The following CNBD1 variants were observed in gnomAD, a reference collection of about 807,000 sequenced individuals.
CNBD1 encodes the protein cyclic nucleotide-binding domain-containing protein 1.
A neutral mutation model predicts 54.4 loss-of-function variants in CNBD1; 71 were observed. The observed-to-expected ratio is 1.30, with a 90% CI of 1.08 to 1.59. The LOEUF (loss-of-function observed/expected upper bound fraction) is 1.59. Among genes scored for constraint, CNBD1 ranks in the 40% most tolerant of loss-of-function variants. The probability of loss-of-function intolerance (pLI) is 0.00; values close to 1 mark genes in which losing one functional copy is unlikely to be tolerated. For missense variants in CNBD1, 659 were observed against 518.0 expected, an observed-to-expected ratio of 1.27 and a Z score of -2.64; for synonymous variants, 182 against 170.7, an observed-to-expected ratio of 1.07 and a Z score of -0.51.
intron 4 of CNBD1, among the ~76,000 whole-genome samples, chr8:86,987,704 A>G (rs1056831897): frequency 6.6e-6 from 1 of 152,162 alleles, no homozygotes; most frequent in Non-Finnish European, 1.5e-5. Context: ...GGGAGTTTGT[A>G]TCATAATGGA....
intron 2 of CNBD1, among the ~76,000 whole-genome samples, chr8:86,889,440 A>G (rs1214368975): frequency 1.3e-5 from 2 of 152,180 alleles, no homozygotes; most frequent in African/African-American, 2.4e-5. Context: ...CCATATTATT[A>G]GTTCTTTATG....
chr8:87,237,772 A>G (rs1466567066), intron 6 of CNBD1, among the ~76,000 whole-genome samples: 1 of 152,128 alleles, frequency 6.6e-6, no homozygotes, highest in Non-Finnish European at 1.5e-5. Context: ...AAACCAAATA[A>G]TTTAGCATTA....
intron 8 of CNBD1, among the ~76,000 whole-genome samples, chr8:87,305,056 A>C (rs1430056309): frequency 1.3e-5 from 2 of 152,286 alleles, no homozygotes; most frequent in Non-Finnish European, 2.9e-5. Flanking sequence ...AGAATTCATA[A>C]GTTTCTGGGT....
Position 87,236,811 on chromosome 8 carries a change from C to A in CNBD1, c.578-108C>A. ...ATTAAATTCACTGTTACAGAATACA[C>A]TGAAAGAAATACGTTGAAAGTACCG... On this transcript the variant is annotated intron_variant, in intron 5 of 10. Transcript: ENST00000518476. 5.1e-6 allele frequency: 3 copies of A among 593,882 alleles called. No homozygotes were observed. In the South Asian group the frequency reaches 1.0e-4, roughly 21 times the overall value. 36.8% of individuals were successfully genotyped at this position (593,882 alleles called of 1,614,324 possible).
chr8:86,900,708 A>G (rs568673758), intron 2 of CNBD1, among the ~76,000 whole-genome samples: 48 of 152,332 alleles, frequency 3.2e-4, no homozygotes, highest in Non-Finnish European at 5.6e-4. Flanking sequence ...AATACTTCAT[A>G]TAAGGTTACA....
At chr8:87,170,604 A>G (rs1023252073) in intron 4 of CNBD1, among the ~76,000 whole-genome samples, 7 of 152,090 alleles carry the variant, frequency 4.6e-5, no homozygotes, top group Non-Finnish European at 7.4e-5. Context: ...CGTGGCTTTC[A>G]TTATGTTGAA....
chr8:87,265,950 G>A (rs1003198035), intron 6 of CNBD1, among the ~76,000 whole-genome samples: 3 of 152,032 alleles, frequency 2.0e-5, no homozygotes, highest in African/African-American at 7.2e-5. Context: ...GTAATAATCA[G>A]TTGGATAATA....
intron 4 of CNBD1, among the ~76,000 whole-genome samples, chr8:86,988,929 A>G (rs1225606506): frequency 6.6e-6 from 1 of 152,066 alleles, no homozygotes; most frequent in African/African-American, 2.4e-5. Flanking sequence ...TTGTTGATGG[A>G]TAATTAGATT....
At chr8:86,995,017 T>C (rs1012969295) in intron 4 of CNBD1, among the ~76,000 whole-genome samples, 1 of 152,068 alleles carries the variant, frequency 6.6e-6, no homozygotes, top group African/African-American at 2.4e-5. Context: ...AATAGCAAAA[T>C]GAAGGAACAA....
chr8:87,391,728 C>T (rs1811314148), intron 2 of CNBD1, among the ~76,000 whole-genome samples: 1 of 152,034 alleles, frequency 6.6e-6, no homozygotes, highest in East Asian at 1.9e-4. Flanking sequence ...AGAACTAAAA[C>T]TGTACAACTC....
chr8:87,280,114 C>T (rs548929433), intron 6 of CNBD1, among the ~76,000 whole-genome samples: 3 of 151,686 alleles, frequency 2.0e-5, no homozygotes, highest in Non-Finnish European at 3.0e-5. Flanking sequence ...CAGATTCTCA[C>T]ATTCAGTTAG....
intron 4 of CNBD1, among the ~76,000 whole-genome samples, chr8:87,036,857 A>C (rs1166208193): frequency 6.6e-6 from 1 of 152,050 alleles, no homozygotes; most frequent in African/African-American, 2.4e-5. Context: ...TTTATTCTAC[A>C]CTAGATGTTC....
chr8:87,421,724 A>T (rs368594480), intron 2 of CNBD1, among the ~76,000 whole-genome samples: 1 of 147,466 alleles, frequency 6.8e-6, no homozygotes, highest in East Asian at 2.0e-4. Context: ...GAATAATGCC[A>T]CAATAAACAT....
chr8:87,317,967 C>G (rs191854245), intron 8 of CNBD1, among the ~76,000 whole-genome samples: 1 of 151,894 alleles, frequency 6.6e-6, no homozygotes, highest in East Asian at 1.9e-4. Flanking sequence ...CCAATATTTT[C>G]TTCTGCAGTG....
intron 8 of CNBD1, among the ~76,000 whole-genome samples, chr8:87,300,378 C>T (rs996826525): frequency 6.6e-6 from 1 of 151,960 alleles, no homozygotes; most frequent in Non-Finnish European, 1.5e-5. Flanking sequence ...TCTGGAGAGT[C>T]ACCAGAACGA....
At chr8:87,342,617 A>T (rs545003125) in intron 8 of CNBD1, among the ~76,000 whole-genome samples, 1 of 152,236 alleles carries the variant, frequency 6.6e-6, no homozygotes, top group South Asian at 2.1e-4. Context: ...GAGAAAGGGT[A>T]TAAAGAGAGG....
intron 10 of CNBD1, among the ~76,000 whole-genome samples, chr8:87,371,387 A>G (rs1402814281): frequency 1.3e-5 from 2 of 151,770 alleles, no homozygotes; most frequent in Non-Finnish European, 2.9e-5. Context: ...ATTTGTTTGT[A>G]TCCTCTTTTA....
intron 5 of CNBD1, among the ~76,000 whole-genome samples, chr8:87,217,812 C>A (rs1306430058): frequency 1.3e-5 from 2 of 151,880 alleles, no homozygotes; most frequent in Non-Finnish European, 2.9e-5. Flanking sequence ...ATCTGGTTAT[C>A]CAGGGATATA....
At chr8:87,315,246 GA>G (rs1809359406) in intron 8 of CNBD1, among the ~76,000 whole-genome samples, 1 of 152,030 alleles carries the variant, frequency 6.6e-6, no homozygotes, top group Non-Finnish European at 1.5e-5. Context: ...ATTCCAGCTG[GA>G]TCACAAAGCT....
Sources: gnomAD v4.1 joint callset for allele counts (sites outside exome capture counted in the v4.1 genomes callset) on GRCh38, gnomAD v4.1.1 for gene constraint, MANE v1.5 for transcripts, NCBI Gene and HGNC (gene_info 2026-07-23, HGNC 2026-07-21) for gene names.